The following ADSL variants were observed in gnomAD, a reference collection of about 807,000 sequenced individuals.
ADSL encodes the protein adenylosuccinase.
A neutral mutation model predicts 62.1 loss-of-function variants in ADSL; 44 were observed. That is an observed-to-expected ratio of 0.71 (90% CI 0.56 to 0.91). ADSL has a LOEUF of 0.91. Ranked by LOEUF, ADSL falls within the 40% of genes least tolerant of loss-of-function variation. The probability of loss-of-function intolerance (pLI) is 0.00; values close to 1 mark genes in which losing one functional copy is unlikely to be tolerated. For missense variants in ADSL, 531 were observed against 627.4 expected (o/e 0.85, Z 1.64); for synonymous variants, 198 against 220.5 (o/e 0.90, Z 0.90).
chr22:40,367,043 G>T lies in ADSL; in HGVS notation c.*521G>T. Reference sequence around the variant, plus strand: ...ATCAGGCTGATTGAGCTGAAGTTGTGCCCAAGCTCATTTCATCTTTTGATA... The same window carrying T: ...ATCAGGCTGATTGAGCTGAAGTTGTTCCCAAGCTCATTTCATCTTTTGATA... On this transcript the variant is annotated 3_prime_UTR_variant, in exon 13 of 13. Coordinates refer to ENST00000623063, the MANE Select transcript of ADSL (RefSeq NM_000026.4). 1 of 163,320 alleles carries T rather than the reference G, an allele frequency of 6.1e-6. No individual in the cohort carries two copies. The highest frequency in any genetic ancestry group is 1.7e-4 in the East Asian group (1 of 5,752). The allele number at this position is 163,320 out of a possible 1,614,324, so 10.1% of individuals were successfully genotyped here. A position where few individuals can be genotyped will look rare whatever the true frequency, so the allele number is the denominator to read the frequency against.
intron 12 of ADSL, among the ~76,000 whole-genome samples, chr22:40,365,516 G>A (rs1002750307): frequency 2.0e-5 from 3 of 152,182 alleles, no homozygotes; most frequent in Non-Finnish European, 2.9e-5. Flanking sequence ...TGAAATGCCT[G>A]AGTATATACT....
chr22:40,375,683 AC>A (rs971216818), intron 2 of ADSL, among the ~76,000 whole-genome samples: 21 of 149,354 alleles, frequency 1.4e-4, no homozygotes, highest in African/African-American at 5.1e-4. Context: ...TTTTTTCACT[AC>A]AACAAAATTA....
Position 40,368,116 on chromosome 22 carries a change from C to G in ADSL, c.*1594C>G, listed in dbSNP as rs1373354876. ...TTATCCTATACAGAAGAAAACTCCT[C>G]GGCACTTCAAATATTGCCAGGTGCA... On this transcript the variant is annotated 3_prime_UTR_variant, in exon 13 of 13. Coordinates refer to ENST00000623063, the MANE Select transcript of ADSL (RefSeq NM_000026.4). 1 of 152,198 alleles carries G rather than the reference C, an allele frequency of 6.6e-6. No individual in the cohort carries two copies. The highest frequency in any genetic ancestry group is 1.9e-4 in the East Asian group (1 of 5,200). 9.4% of individuals were successfully genotyped at this position (152,198 alleles called of 1,614,324 possible). A position where few individuals can be genotyped will look rare whatever the true frequency, so the allele number is the denominator to read the frequency against.
At chr22:40,374,199 G>C (rs911330991), downstream of ADSL, among the ~76,000 whole-genome samples, 1 of 151,642 alleles carries the variant, frequency 6.6e-6, no homozygotes, top group African/African-American at 2.4e-5. Flanking sequence ...TGATCCGCCT[G>C]CCTCGGCCTC....
Position 40,361,577 on chromosome 22 carries a change from C to A in ADSL, c.952C>A (p.Pro318Thr), listed in dbSNP as rs1015585763. 1 of 1,614,178 alleles carries A rather than the reference C, an allele frequency of 6.2e-7. No homozygotes were observed. Among genetic ancestry groups the A allele is most frequent in the African/African-American group, 1.3e-5 (1 of 75,036 alleles). The change falls in exon 9 of 13, where the codon CCG (proline) becomes ACG (threonine). Residue 318 changes from proline to threonine, a missense_variant. Physicochemically the swap from Pro to Thr is conservative, Grantham distance 38. Around this residue, in one of 2 missense-constraint regions of ADSL, gnomAD observed 471 missense variants for 592.9 expected, o/e 0.79. Transcript: ENST00000623063. ...ARHLMTLVMD[P>T]LQTASVQWFE... ...CCACCTGATGACCCTTGTCATGGAC[C>A]CGCTACAGACAGCATCTGTCCAGTG...
At position 40,353,125 on chromosome 22, in the gene ADSL, G is replaced by T; in HGVS notation, c.402+8G>T. On this transcript the variant is annotated splice_region_variant and intron_variant, in intron 3 of 12. Transcript: ENST00000623063. ...GACCTGCTTTTGCCAAAGGTAAGGA[G>T]TTGGCAGATGTTTCCTACCAACCCT... 6.2e-7 allele frequency: 1 copy of T among 1,611,612 alleles called. No individual in the cohort carries two copies. The highest frequency in any genetic ancestry group is 1.3e-5 in the African/African-American group (1 of 74,998).
chr22:40,384,471 A>G (rs866102089), intron 2 of ADSL, among the ~76,000 whole-genome samples: 1 of 151,504 alleles, frequency 6.6e-6, no homozygotes, highest in Admixed American at 6.6e-5. Context: ...AACAAAAATT[A>G]AAAAAAAATT....
intron 2 of ADSL, among the ~76,000 whole-genome samples, chr22:40,375,590 AAAAG>A (rs1820478421): frequency 1.3e-5 from 2 of 152,016 alleles, no homozygotes; most frequent in Non-Finnish European, 2.9e-5. Context: ...CAAAAAAAAA[AAAAG>A]AGATTGACAC....
chr22:40,365,051 C>T lies in ADSL; in HGVS notation c.1363C>T (p.Gln455Ter). Reference protein sequence around the residue: ...DPSSFTGRASQQVQRFLEEEV... With the variant: ...DPSSFTGRAS ...TTCTTCTTTCACTGGTCGTGCCTCC[C>T]AGCAGGTAAGCTTCCAAGAAGCCTC... is the stretch of plus-strand genomic sequence containing the variant. The change falls in exon 12 of 13, where the codon CAG (glutamine) becomes TAG (stop). Residue 455 changes from glutamine to a stop codon, truncating the protein, a stop_gained. Coordinates refer to ENST00000623063, the MANE Select transcript of ADSL (RefSeq NM_000026.4). LOFTEE classifies it high-confidence loss of function. 1 of 1,613,484 alleles carries T rather than the reference C, an allele frequency of 6.2e-7. No homozygotes were observed. Among genetic ancestry groups the T allele is most frequent in the Non-Finnish European group, 8.5e-7 (1 of 1,179,658 alleles).
In ADSL at chr22:40,361,004, A is replaced by G. The variant is rs557425039; in HGVS notation, c.793-269A>G. The G allele has an allele frequency of 1.2e-4, 62 of 509,918 alleles. No homozygotes were observed. In the Middle Eastern group the frequency reaches 5.2e-3, roughly 42 times the overall value. The allele number at this position is 509,918 out of a possible 1,614,324, so 31.6% of individuals were successfully genotyped here. A position where few individuals can be genotyped will look rare whatever the true frequency, so the allele number is the denominator to read the frequency against. On this transcript the variant is annotated intron_variant, in intron 7 of 12. Coordinates refer to ENST00000623063, the MANE Select transcript of ADSL (RefSeq NM_000026.4). ...GTGTGAGCCACCGCGCCCATCCTGA[A>G]TTAATCTTGTGATTTTCTTTCCATG...
chr22:40,355,816 T>C (rs765728904), intron 4 of ADSL, among the ~76,000 whole-genome samples: 3 of 152,112 alleles, frequency 2.0e-5, no homozygotes, highest in Non-Finnish European at 4.4e-5. Context: ...GTGTTACGCC[T>C]TGATGTTCCT....
chr22:40,348,117 C>T (rs900583547), intron 1 of ADSL, among the ~76,000 whole-genome samples: 2 of 152,144 alleles, frequency 1.3e-5, no homozygotes, highest in African/African-American at 4.8e-5. Flanking sequence ...TGCATAATAA[C>T]TTAGTAGCTA....
At chr22:40,386,148 G>T (rs1176973538) in intron 2 of ADSL, among the ~76,000 whole-genome samples, 1 of 151,472 alleles carries the variant, frequency 6.6e-6, no homozygotes, top group East Asian at 2.0e-4. Context: ...CCAGAGTGCT[G>T]GGATCACAAA....
At chr22:40,362,842 G>T (rs1009372445) in intron 9 of ADSL, 139 bp from the exon 10 acceptor site, 1 of 852,904 alleles carries the variant, frequency 1.2e-6, no homozygotes, top group South Asian at 1.4e-5. Context: ...TTTGAGGGTC[G>T]TGAGGTTATT....
chr22:40,385,111 AAGTC>A (rs2048216010), intron 2 of ADSL, among the ~76,000 whole-genome samples: 1 of 152,222 alleles, frequency 6.6e-6, no homozygotes, highest in Non-Finnish European at 1.5e-5. Context: ...AAACCAAAGT[AAGTC>A]AGCAGAGTCT....
chr22:40,347,550 A>G (rs1009545716), intron 1 of ADSL, among the ~76,000 whole-genome samples: 6 of 152,244 alleles, frequency 3.9e-5, no homozygotes, highest in African/African-American at 1.4e-4. Flanking sequence ...CAAACGGCAC[A>G]GTAAACATGG....
At chr22:40,355,724 G>A (rs1433451045) in intron 4 of ADSL, among the ~76,000 whole-genome samples, 1 of 152,138 alleles carries the variant, frequency 6.6e-6, no homozygotes, top group African/African-American at 2.4e-5. Context: ...CCAATAATCT[G>A]TTAGCAGTTA....
At chr22:40,352,402 C>T (rs1410797231) in intron 2 of ADSL, among the ~76,000 whole-genome samples, 3 of 152,074 alleles carry the variant, frequency 2.0e-5, no homozygotes, top group South Asian at 2.1e-4. Flanking sequence ...GTGGCGGGTG[C>T]CTGTAGTCCC....
intron 2 of ADSL, among the ~76,000 whole-genome samples, chr22:40,379,834 G>T (rs1375481861): frequency 6.6e-6 from 1 of 152,024 alleles, no homozygotes; most frequent in Non-Finnish European, 1.5e-5. Context: ...TCAGCTTCCT[G>T]AGTAATCTGG....
Sources: gnomAD v4.1 joint callset for allele counts (sites outside exome capture counted in the v4.1 genomes callset) on GRCh38, gnomAD v4.1.1 for gene constraint, gnomAD v4.1.1 regional missense constraint, MANE v1.5 for transcripts, NCBI Gene and HGNC (gene_info 2026-07-23, HGNC 2026-07-21) for gene names.